The following HGS variants were observed in gnomAD, a reference collection of about 807,000 sequenced individuals.
The protein encoded by HGS is hepatocyte growth factor-regulated tyrosine kinase substrate.
A neutral mutation model predicts 109.7 loss-of-function variants in HGS; 63 were observed. That is an observed-to-expected ratio of 0.57 (90% CI 0.47 to 0.71). The LOEUF (loss-of-function observed/expected upper bound fraction) is 0.71, where lower values mean the gene tolerates loss of function less well. Ranked by LOEUF, HGS falls within the 30% of genes least tolerant of loss-of-function variation. The pLI, the probability that HGS is intolerant of heterozygous loss-of-function variation, is 0.00. For synonymous variants in HGS, 546 were observed against 437.3 expected (o/e 1.25, Z -3.10); for missense variants, 995 against 1,068.3 (o/e 0.93, Z 0.96).
At position 81,686,997 on chromosome 17, in the gene HGS, C is replaced by T. The variant is rs1427655172; in HGVS notation, c.199-6C>T. On this transcript the variant is annotated splice_polypyrimidine_tract_variant and splice_region_variant and intron_variant, in intron 3 of 21. Transcript: ENST00000329138. ...GCCCAACCCTTCCCTTCCTGGGCAT[C>T]TGCAGGTCATGGAATCTGTGGTAAA... 3 of 1,611,920 alleles carry T rather than the reference C, an allele frequency of 1.9e-6. No individual in the cohort carries two copies. Among genetic ancestry groups the T allele is most frequent in the East Asian group, 2.2e-5 (1 of 44,868 alleles).
In HGS at chr17:81,696,825, T is replaced by G; in HGVS notation, c.1709T>G (p.Leu570Arg). 6.2e-7 allele frequency: 1 copy of G among 1,608,612 alleles called. No homozygotes were observed. Among genetic ancestry groups the G allele is most frequent in the Non-Finnish European group, 8.5e-7 (1 of 1,177,356 alleles). The change falls in exon 18 of 22, where the codon CTC (leucine) becomes CGC (arginine). Residue 570 changes from leucine to arginine, a missense_variant and splice_region_variant. By Grantham distance (102) the Leu-to-Arg change is moderately radical. Transcript: ENST00000329138. The part of the protein sequence containing the change: ...MPAFPLPYAQ[L>R]QAMPAAGGVL... ...CACCGCTGTCTCTTTTGTCCCCAGCTCCAGGCCATGCCCGCAGCCGGAGGT... is the reference window on the plus strand; with the variant it reads ...CACCGCTGTCTCTTTTGTCCCCAGCGCCAGGCCATGCCCGCAGCCGGAGGT...
intron 11 of HGS, among the ~76,000 whole-genome samples, 185 bp downstream of exon 11, chr17:81,694,150 T>C (rs1035324329): frequency 3.9e-5 from 6 of 152,152 alleles, no homozygotes; most frequent in Admixed American, 2.6e-4. Flanking sequence ...CACCCGTTGC[T>C]CCTGGTCCCT....
chr17:81,685,407 C>G (rs940023604), intron 1 of HGS, among the ~76,000 whole-genome samples, 198 bp from the exon 2 acceptor site: 1 of 152,196 alleles, frequency 6.6e-6, no homozygotes, highest in African/African-American at 2.4e-5. Flanking sequence ...TGTGCTCTTA[C>G]GCTGTTTGCT....
At chr17:81,687,359 T>C (rs1048160588) in intron 4 of HGS, among the ~76,000 whole-genome samples, 3 of 152,088 alleles carry the variant, frequency 2.0e-5, no homozygotes, top group Non-Finnish European at 4.4e-5. Context: ...CCCTGGGGCC[T>C]GGGGGAAGCT....
In HGS at chr17:81,691,175, C is replaced by T; in HGVS notation, c.538-272C>T. The T allele has an allele frequency of 2.0e-6, 1 of 488,782 alleles. No homozygotes were observed. The highest frequency in any genetic ancestry group is 2.4e-5 in the South Asian group (1 of 42,160). The allele number at this position is 488,782 out of a possible 1,614,324, so 30.3% of individuals were successfully genotyped here. A position where few individuals can be genotyped will look rare whatever the true frequency, so the allele number is the denominator to read the frequency against. On this transcript the variant is annotated intron_variant, in intron 7 of 21. Transcript: ENST00000329138. The surrounding 1 kb of genome is among the most constrained non-coding windows in gnomAD (Gnocchi z 5.3). The stretch of plus-strand genomic sequence containing the variant: ...AGCACCCACTGCACTCACAAAAGCT[C>T]TTGTTTTATCAGCAGAATTGATGTG...
rs2037246349 is a variant in HGS at position 81,702,023 on chromosome 17, A to G, written c.*405A>G. 5.6e-6 allele frequency: 1 copy of G among 177,618 alleles called. No homozygotes were observed. The highest frequency in any genetic ancestry group is 2.4e-5 in the African/African-American group (1 of 42,524). 11.0% of individuals were successfully genotyped at this position (177,618 alleles called of 1,614,324 possible). On this transcript the variant is annotated 3_prime_UTR_variant, in exon 22 of 22. Coordinates refer to ENST00000329138, the MANE Select transcript of HGS (RefSeq NM_004712.5). ...GGGGCCTCTCTCGGCAGCCACAGCC[A>G]AGGGTGGAGGCTTCAGGTCTCCAGC...
chr17:81,688,651 C>T (rs925370066), intron 4 of HGS, 53 bp from the exon 5 acceptor site: 30 of 1,604,248 alleles, frequency 1.9e-5, no homozygotes, highest in Middle Eastern at 1.7e-4. Context: ...CACACCGAGG[C>T]CTCTGGCGCC....
At position 81,701,660 on chromosome 17, in the gene HGS, C is replaced by T; in HGVS notation, c.*42C>T. ...GTCCGGAGTAACACTACATACAGTT[C>T]ACCTGAAACGCCTCGTCTCTAACTG... On this transcript the variant is annotated 3_prime_UTR_variant, in exon 22 of 22. Transcript: ENST00000329138. 6.6e-7 allele frequency: 1 copy of T among 1,517,368 alleles called. No homozygotes were observed. Among genetic ancestry groups the T allele is most frequent in the Non-Finnish European group, 8.8e-7 (1 of 1,131,106 alleles). 94.0% of individuals were successfully genotyped at this position (1,517,368 alleles called of 1,614,324 possible).
At chr17:81,694,248 C>T (rs1374480423) in intron 11 of HGS, among the ~76,000 whole-genome samples, 1 of 152,216 alleles carries the variant, frequency 6.6e-6, no homozygotes, top group Non-Finnish European at 1.5e-5. Context: ...ACCCCTCCCG[C>T]CCCACAGGAA....
intron 2 of HGS, among the ~76,000 whole-genome samples, chr17:81,686,045 C>T (rs1390978616): frequency 6.6e-6 from 1 of 152,136 alleles, no homozygotes; most frequent in East Asian, 1.9e-4. Context: ...ATCGTCCCAC[C>T]TCAACCTCCT....
chr17:81,693,589 GCCCCCTCCGTCCCGTGGGCACCTCTT>G lies in HGS; in HGVS notation c.741+13_742-35del, dbSNP rs2037098619. ...CTGTCTCAGCAGTCCCAGGTACTCAGCCCCCTCCGTCCCGTGGGCACCTCTTCCCCGGCGCCCCCCCTCACCCTCCC... is the reference window on the plus strand; with the variant it reads ...CTGTCTCAGCAGTCCCAGGTACTCAGCCCCGGCGCCCCCCCTCACCCTCCC... On this transcript the variant is annotated intron_variant, in intron 9 of 21. Transcript: ENST00000329138. 1 of 1,586,828 alleles carries G rather than the reference GCCCCCTCCGTCCCGTGGGCACCTCTT, an allele frequency of 6.3e-7. No homozygotes were observed. The highest frequency in any genetic ancestry group is 2.2e-5 in the East Asian group (1 of 44,594).
Position 81,691,371 on chromosome 17 carries a change from C to G in HGS, c.538-76C>G. Reference sequence around the variant, plus strand: ...TGTGAGGCCCAGCTTCGGCATCGTACGGGGTGGTTCTGGGCCGGGTGGCGC... The same window carrying G: ...TGTGAGGCCCAGCTTCGGCATCGTAGGGGGTGGTTCTGGGCCGGGTGGCGC... On this transcript the variant is annotated intron_variant, in intron 7 of 21. Coordinates refer to ENST00000329138, the MANE Select transcript of HGS (RefSeq NM_004712.5). This position sits in a 1 kb window ranked among gnomAD's most constrained non-coding sequence, Gnocchi z 5.3. 1 of 1,587,738 alleles carries G rather than the reference C, an allele frequency of 6.3e-7. No individual in the cohort carries two copies.
In HGS at chr17:81,695,080, C is replaced by T. The variant is rs1301817600; in HGVS notation, c.1119+13C>T. 1.2e-6 allele frequency: 2 copies of T among 1,612,286 alleles called. No homozygotes were observed. Among genetic ancestry groups the T allele is most frequent in the African/African-American group, 1.3e-5 (1 of 74,900 alleles). On this transcript the variant is annotated intron_variant, in intron 13 of 21. Transcript: ENST00000329138. ...CAACGTGGTGGAGGTGAGGGGGCCA[C>T]TCCCGGCATTCCTAGTGGCAGGGTC...
chr17:81,686,941 GGGA>G, intron 3 of HGS, 59 bp from the exon 4 acceptor site: 1 of 1,385,368 alleles, frequency 7.2e-7, no homozygotes, highest in Non-Finnish European at 1.0e-6. Context: ...GGGTCTGTCC[GGGA>G]GGAGGAGGGG....
intron 2 of HGS, 54 bp from the exon 3 acceptor site, chr17:81,686,258 C>T (rs1212101135): frequency 2.1e-6 from 3 of 1,457,448 alleles, no homozygotes; most frequent in Non-Finnish European, 2.9e-6. Context: ...ATCTTAGTTG[C>T]TGAGACTATT....
Position 81,702,038 on chromosome 17 carries a change from A to G in HGS, c.*420A>G. On this transcript the variant is annotated 3_prime_UTR_variant, in exon 22 of 22. Coordinates refer to ENST00000329138, the MANE Select transcript of HGS (RefSeq NM_004712.5). Reference sequence around the variant, plus strand: ...AGCCACAGCCAAGGGTGGAGGCTTCAGGTCTCCAGCTTCTCTGCTTCTCAG... The same window carrying G: ...AGCCACAGCCAAGGGTGGAGGCTTCGGGTCTCCAGCTTCTCTGCTTCTCAG... 5.8e-6 allele frequency: 1 copy of G among 170,952 alleles called. No homozygotes were observed. The highest frequency in any genetic ancestry group is 1.2e-5 in the Non-Finnish European group (1 of 80,708). 10.6% of individuals were successfully genotyped at this position (170,952 alleles called of 1,614,324 possible). A position where few individuals can be genotyped will look rare whatever the true frequency, so the allele number is the denominator to read the frequency against.
In HGS at chr17:81,701,528, C is replaced by A; in HGVS notation, c.2244C>A (p.Pro748=). The part of the protein sequence containing the change: ...MYQQMAPSGG[P]PQQQPPVAQQ... ...CACAGATGGCACCCTCTGGCGGTCC[C>A]CCCCAGCAGCAGCCCCCCGTGGCCC... The change falls in exon 22 of 22, where the codon CCC becomes CCA. Residue 748 remains proline (P), a synonymous_variant. Coordinates refer to ENST00000329138, the MANE Select transcript of HGS (RefSeq NM_004712.5). 1 of 1,562,008 alleles carries A rather than the reference C, an allele frequency of 6.4e-7. No individual in the cohort carries two copies. The highest frequency in any genetic ancestry group is 8.6e-7 in the Non-Finnish European group (1 of 1,160,628).
At chr17:81,695,762 T>G in intron 14 of HGS, 24 bp from the exon 15 acceptor site, 10 of 1,611,724 alleles carry the variant, frequency 6.2e-6, no homozygotes, top group Non-Finnish European at 8.5e-6. Flanking sequence ...GCCGCACTCA[T>G]CCAGAACCCT....
At chr17:81,692,255 G>A (rs796834140) in intron 8 of HGS, 10 of 152,336 alleles carry the variant, frequency 6.6e-5, no homozygotes, top group African/African-American at 9.6e-5. Context: ...TATGTGGGCC[G>A]TGCTCCCTGC....
Sources: allele counts gnomAD v4.1 joint callset (sites outside exome capture counted in the v4.1 genomes callset), GRCh38; gene constraint gnomAD v4.1.1; non-coding constraint Gnocchi (gnomAD v3.1); transcripts MANE v1.5; gene names NCBI Gene and HGNC (gene_info 2026-07-23, HGNC 2026-07-21).